The following NME7 variants were observed in gnomAD, a reference collection of about 807,000 sequenced individuals.
The protein encoded by NME7 is NME/NM23 family member 7.
Under a neutral mutation model 49.1 loss-of-function variants are expected in NME7, and 41 were observed. That is an observed-to-expected ratio of 0.83 (90% CI 0.65 to 1.08). NME7 has a LOEUF of 1.08. Ranked by LOEUF, NME7 falls within the 50% of genes least tolerant of loss-of-function variation. The pLI is 0.00. For synonymous variants in NME7, 139 were observed against 150.6 expected (o/e 0.92, Z 0.56); for missense variants, 423 against 463.4 (o/e 0.91, Z 0.80).
intron 10 of NME7, among the ~76,000 whole-genome samples, chr1:169,217,958 A>T (rs1661018243): frequency 6.6e-6 from 1 of 152,158 alleles, no homozygotes; most frequent in South Asian, 2.1e-4. Flanking sequence ...TTTTCTACCC[A>T]CACCACCACC....
intron 1 of NME7, among the ~76,000 whole-genome samples, chr1:169,355,587 C>T (rs1653442663): frequency 6.6e-6 from 1 of 151,266 alleles, no homozygotes; most frequent in Non-Finnish European, 1.5e-5. Context: ...ATAAACCAAG[C>T]AGGCTCCCAC....
At chr1:169,300,503 A>G (rs12117884) in intron 5 of NME7, among the ~76,000 whole-genome samples, 47,853 of 152,000 alleles carry the variant, frequency 0.31, 8,400 homozygotes, top group East Asian at 0.67. Flanking sequence ...AACAGTAATA[A>G]TAATATGAGC....
At chr1:169,305,979 CAGTTA>C (rs1651157646) in intron 4 of NME7, among the ~76,000 whole-genome samples, 1 of 152,080 alleles carries the variant, frequency 6.6e-6, no homozygotes, top group Non-Finnish European at 1.5e-5. Flanking sequence ...ATTAGATAAG[CAGTTA>C]AGTTTTCTTG....
At chr1:169,168,768 T>C (rs924785858) in intron 11 of NME7, 1 of 425,938 alleles carries the variant, frequency 2.3e-6, no homozygotes, top group Non-Finnish European at 4.6e-6. Context: ...GATTAACACA[T>C]AAATAGACTA....
chr1:169,135,632 C>G (rs1409501554), intron 11 of NME7, among the ~76,000 whole-genome samples: 2 of 152,112 alleles, frequency 1.3e-5, no homozygotes, highest in East Asian at 3.8e-4. Context: ...TATCTGTAGT[C>G]CCCTGGGCTC....
At chr1:169,249,997 T>C (rs1281328910) in intron 7 of NME7, among the ~76,000 whole-genome samples, 1 of 152,112 alleles carries the variant, frequency 6.6e-6, no homozygotes, top group Non-Finnish European at 1.5e-5. Flanking sequence ...ATAGAATGAG[T>C]TAGGGAGGAT....
intron 10 of NME7, among the ~76,000 whole-genome samples, chr1:169,215,159 A>G (rs1423063175): frequency 6.6e-6 from 1 of 152,080 alleles, no homozygotes. Context: ...TCTCCCCTGA[A>G]GTCAGGTTGC....
chr1:169,347,027 A>G (rs1652975206), intron 1 of NME7, among the ~76,000 whole-genome samples: 1 of 152,112 alleles, frequency 6.6e-6, no homozygotes, highest in Non-Finnish European at 1.5e-5. Context: ...ATGTAAAAAT[A>G]AAAAATATAT....
rs111679116 is a variant in NME7, at chr1:169,295,971, T to G, written c.648+2585A>C. 5.7e-3 allele frequency among the ~76,000 whole-genome samples: 873 copies of G among 152,250 alleles called. 7 individuals are homozygous for G. Among genetic ancestry groups the G allele is most frequent in the African/African-American group, 0.02 (836 of 41,554 alleles). On this transcript the variant is annotated intron_variant, in intron 6 of 11. Transcript: ENST00000367811. ...CTGAGAGGCACACCTGCCTAATCTC[T>G]CCACCTGGGTTCTAATTTCCATTTC...
chr1:169,192,292 C>T (rs556409677), intron 10 of NME7, among the ~76,000 whole-genome samples: 4 of 152,078 alleles, frequency 2.6e-5, no homozygotes, highest in African/African-American at 7.2e-5. Flanking sequence ...CCTCTGTATC[C>T]GCAGATTCTG....
chr1:169,270,406 C>T lies in NME7; in HGVS notation c.754+16897G>A, dbSNP rs1649453327. Among the ~76,000 whole-genome samples, 2 of 133,570 alleles carry T rather than the reference C, an allele frequency of 1.5e-5. 1 individual carries two copies. Among genetic ancestry groups the T allele is most frequent in the African/African-American group, 5.1e-5 (2 of 39,508 alleles). 87.6% of individuals were successfully genotyped at this position (133,570 alleles called of 152,430 possible). The stretch of plus-strand genomic sequence containing the variant: ...ATCAAAAAATAGCTACTGAATCAAC[C>T]AGATGTAAGCAATAAACCTACTTCA... On this transcript the variant is annotated intron_variant, in intron 7 of 11. Coordinates refer to ENST00000367811, the MANE Select transcript of NME7 (RefSeq NM_013330.5).
At chr1:169,237,770 A>G in intron 7 of NME7, 83 bp from the exon 8 acceptor site, 1 of 1,050,214 alleles carries the variant, frequency 9.5e-7, no homozygotes. Context: ...TTTATAGCAA[A>G]GTACTTTTTG....
At chr1:169,316,485 G>T (rs966081049) in intron 3 of NME7, among the ~76,000 whole-genome samples, 1 of 152,110 alleles carries the variant, frequency 6.6e-6, no homozygotes, top group Non-Finnish European at 1.5e-5. Context: ...ATAATCTCCA[G>T]AACGTATAAA....
intron 6 of NME7, among the ~76,000 whole-genome samples, chr1:169,294,486 A>G (rs1169186143): frequency 6.6e-6 from 1 of 152,242 alleles, no homozygotes; most frequent in African/African-American, 2.4e-5. Flanking sequence ...ATGAAAAATT[A>G]GACAATAACT....
chr1:169,191,332 T>A (rs1384344551), intron 10 of NME7, among the ~76,000 whole-genome samples: 1 of 152,194 alleles, frequency 6.6e-6, no homozygotes, highest in Non-Finnish European at 1.5e-5. Context: ...CTCAGACTCA[T>A]TGCTTGTTGA....
chr1:169,163,566 A>C (rs1022424326), intron 11 of NME7, among the ~76,000 whole-genome samples: 1 of 152,106 alleles, frequency 6.6e-6, no homozygotes, highest in Non-Finnish European at 1.5e-5. Context: ...CTAGCAAAGA[A>C]CCTTATTGAG....
At chr1:169,340,172 TG>T (rs1404663775) in intron 1 of NME7, among the ~76,000 whole-genome samples, 2 of 152,132 alleles carry the variant, frequency 1.3e-5, no homozygotes, top group African/African-American at 4.8e-5. Flanking sequence ...ATAATCCCCA[TG>T]TGTCAAGACA....
intron 6 of NME7, among the ~76,000 whole-genome samples, chr1:169,291,997 T>C (rs1490210743): frequency 1.3e-5 from 2 of 152,134 alleles, no homozygotes; most frequent in Non-Finnish European, 1.5e-5. Context: ...TGAGGTATGC[T>C]TGTAGATGAA....
At chr1:169,166,039 C>T (rs1659403956) in intron 11 of NME7, among the ~76,000 whole-genome samples, 1 of 152,128 alleles carries the variant, frequency 6.6e-6, no homozygotes, top group African/African-American at 2.4e-5. Context: ...GCTTTGCAAA[C>T]TACAGGCAGT....
Sources: allele counts gnomAD v4.1 joint callset (sites outside exome capture counted in the v4.1 genomes callset), GRCh38; gene constraint gnomAD v4.1.1; transcripts MANE v1.5; gene names NCBI Gene and HGNC (gene_info 2026-07-23, HGNC 2026-07-21).